The following SH3RF3 variants were observed in gnomAD, a reference collection of about 807,000 sequenced individuals.
SH3RF3 encodes SH3 domain containing ring finger 3.
Under a neutral mutation model 66.3 loss-of-function variants are expected in SH3RF3, and 29 were observed. The ratio of observed to expected loss-of-function variants is 0.44; its 90% CI spans 0.33 to 0.60. SH3RF3 has a LOEUF of 0.60. Among genes scored for constraint, SH3RF3 ranks in the 20% least tolerant of loss-of-function variants. The pLI is 0.04. For synonymous variants in SH3RF3, 583 were observed against 532.0 expected (o/e 1.10, Z -1.32); for missense variants, 1,194 against 1,190.9 (o/e 1.00, Z -0.04).
intron 8 of SH3RF3, among the ~76,000 whole-genome samples, chr2:109,472,032 A>G (rs1678528526): frequency 6.6e-6 from 1 of 152,218 alleles, no homozygotes; most frequent in African/African-American, 2.4e-5. Flanking sequence ...GCCCTGTAGC[A>G]CAGTGTGCAC....
chr2:109,500,151 A>C (rs12614264), intron 9 of SH3RF3, among the ~76,000 whole-genome samples: 1 of 152,158 alleles, frequency 6.6e-6, no homozygotes, highest in East Asian at 1.9e-4. Flanking sequence ...AGGCACTTTA[A>C]AGGGGACTGG....
chr2:109,171,521 C>T (rs918059224), intron 1 of SH3RF3, among the ~76,000 whole-genome samples: 2 of 152,256 alleles, frequency 1.3e-5, no homozygotes, highest in South Asian at 2.1e-4. Flanking sequence ...GTATGGTCAG[C>T]GCTGTGGCTT....
At chr2:109,228,774 G>A (rs1249094832) in intron 1 of SH3RF3, among the ~76,000 whole-genome samples, 1 of 152,194 alleles carries the variant, frequency 6.6e-6, no homozygotes, top group African/African-American at 2.4e-5. Flanking sequence ...TCTCTGTGGA[G>A]TTAGATGTAC....
chr2:109,472,954 T>A (rs1360342672), intron 8 of SH3RF3, among the ~76,000 whole-genome samples: 1 of 152,202 alleles, frequency 6.6e-6, no homozygotes, highest in Non-Finnish European at 1.5e-5. Context: ...TTTAAATGAA[T>A]GAATGTGGTG....
chr2:109,307,773 A>T (rs1382796291), intron 1 of SH3RF3, among the ~76,000 whole-genome samples: 1 of 148,574 alleles, frequency 6.7e-6, no homozygotes, highest in African/African-American at 2.5e-5. Flanking sequence ...TTATGGCTGC[A>T]TAGTACTCCA....
chr2:109,286,260 C>T (rs1004907082), intron 1 of SH3RF3, among the ~76,000 whole-genome samples: 2 of 152,218 alleles, frequency 1.3e-5, no homozygotes, highest in African/African-American at 4.8e-5. Context: ...GCTCTGCCAT[C>T]AGCAGATTTC....
intron 1 of SH3RF3, among the ~76,000 whole-genome samples, chr2:109,193,675 C>T (rs1414697242): frequency 6.6e-6 from 1 of 152,070 alleles, no homozygotes; most frequent in Non-Finnish European, 1.5e-5. Context: ...TTGTTTCTAC[C>T]TCTACATTTA....
chr2:109,500,565 T>C (rs1255705357), intron 9 of SH3RF3, among the ~76,000 whole-genome samples: 1 of 152,158 alleles, frequency 6.6e-6, no homozygotes, highest in Admixed American at 6.5e-5. Context: ...TGGGGAAAGT[T>C]GGGCCTTATT....
intron 1 of SH3RF3, among the ~76,000 whole-genome samples, chr2:109,247,152 TG>T (rs1679936981): frequency 6.6e-6 from 1 of 152,138 alleles, no homozygotes; most frequent in Non-Finnish European, 1.5e-5. Flanking sequence ...ACATGAAACA[TG>T]GAGTTTGGGT....
intron 1 of SH3RF3, among the ~76,000 whole-genome samples, chr2:109,327,370 C>T (rs954210798): frequency 1.5e-4 from 23 of 152,152 alleles, no homozygotes; most frequent in African/African-American, 2.9e-4. Context: ...TCAGTTCCAT[C>T]GGTCTATTTG....
chr2:109,501,513 G>A lies in SH3RF3; in HGVS notation c.2491G>A (p.Val831Met), dbSNP rs1373148665. 1 of 778,364 alleles carries A rather than the reference G, an allele frequency of 1.3e-6. No individual in the cohort carries two copies. The highest frequency in any genetic ancestry group is 2.4e-6 in the Non-Finnish European group (1 of 417,024). 48.2% of individuals were successfully genotyped at this position (778,364 alleles called of 1,614,324 possible). A position where few individuals can be genotyped will look rare whatever the true frequency, so the allele number is the denominator to read the frequency against. ...GTGCTGTTTCCCCAGGTACCGCGTG[G>A]TGGTCTCGTACCCACCCCAGAGTGA... ...KLLPRERYRV[V>M]VSYPPQSEAE... is the part of the protein sequence containing the mutation. Residue 831 changes from valine to methionine, a missense_variant, in exon 10 of 10, where the codon GTG becomes ATG. By Grantham distance (21) the Val-to-Met change is conservative. Transcript: ENST00000309415.
chr2:109,129,892 C>G lies in SH3RF3; in HGVS notation c.352C>G (p.Leu118Val). Residue 118 changes from leucine to valine, a missense_variant, in exon 1 of 10, where the codon CTG becomes GTG. Physicochemically the swap from Leu to Val is conservative, Grantham distance 32 (BLOSUM62 1). Coordinates refer to ENST00000309415, the MANE Select transcript of SH3RF3 (RefSeq NM_001099289.3). ...LPANILLVRLLDGIRQRPRAG... is the reference protein window; with the variant it reads ...LPANILLVRLVDGIRQRPRAG... ...CGCCAACATCTTGCTGGTGCGACTG[C>G]TGGACGGCATCCGTCAGCGGCCCCG... 2 of 1,515,328 alleles carry G rather than the reference C, an allele frequency of 1.3e-6. No homozygotes were observed. The highest frequency in any genetic ancestry group is 1.8e-6 in the Non-Finnish European group (2 of 1,137,346). 93.9% of individuals were successfully genotyped at this position (1,515,328 alleles called of 1,614,324 possible).
At chr2:109,428,251 A>G (rs1266582533) in intron 5 of SH3RF3, among the ~76,000 whole-genome samples, 4 of 152,372 alleles carry the variant, frequency 2.6e-5, no homozygotes, top group Admixed American at 6.5e-5. Context: ...CACCATCTAG[A>G]GGAGAAAGGG....
intron 1 of SH3RF3, among the ~76,000 whole-genome samples, chr2:109,335,023 C>T (rs890855614): frequency 3.3e-5 from 5 of 152,260 alleles, no homozygotes; most frequent in Non-Finnish European, 7.3e-5. Context: ...GCGTTGGCGA[C>T]TTACATGTGC....
At chr2:109,315,900 A>G (rs1484275633) in intron 1 of SH3RF3, among the ~76,000 whole-genome samples, 1 of 152,166 alleles carries the variant, frequency 6.6e-6, no homozygotes, top group Non-Finnish European at 1.5e-5. Context: ...GTCACCTGCG[A>G]CCAGCATAGG....
intron 1 of SH3RF3, among the ~76,000 whole-genome samples, chr2:109,216,460 C>T (rs761047689): frequency 4.6e-5 from 7 of 152,190 alleles, no homozygotes; most frequent in Admixed American, 6.5e-5. Flanking sequence ...CACTTGAGGG[C>T]GGTGCAGGGC....
intron 3 of SH3RF3, among the ~76,000 whole-genome samples, chr2:109,391,241 C>T (rs768839374): frequency 6.6e-6 from 1 of 152,370 alleles, no homozygotes; most frequent in East Asian, 1.9e-4. Flanking sequence ...TTCAGTTATC[C>T]GAATAGTCAC....
intron 1 of SH3RF3, among the ~76,000 whole-genome samples, chr2:109,173,520 T>C (rs568281333): frequency 6.6e-6 from 1 of 152,304 alleles, no homozygotes; most frequent in South Asian, 2.1e-4. Context: ...CTGCAGGCTA[T>C]GTATTGTCTG....
chr2:109,413,804 G>C (rs1573232108), intron 4 of SH3RF3, among the ~76,000 whole-genome samples: 2 of 152,312 alleles, frequency 1.3e-5, no homozygotes, highest in South Asian at 2.1e-4. Flanking sequence ...CCAGGGGACT[G>C]TGGGTCCACT....
Sources: gnomAD v4.1 joint callset for allele counts (sites outside exome capture counted in the v4.1 genomes callset) on GRCh38, gnomAD v4.1.1 for gene constraint, MANE v1.5 for transcripts, NCBI Gene and HGNC (gene_info 2026-07-23, HGNC 2026-07-21) for gene names.